The following ZBBX variants were observed in gnomAD, a reference collection of about 807,000 sequenced individuals.
The protein encoded by ZBBX is zinc finger B-box domain-containing protein 1.
ZBBX carries 101 observed loss-of-function variants against 108.5 expected under a neutral mutation model. The ratio of observed to expected loss-of-function variants is 0.93; its 90% confidence interval spans 0.79 to 1.10. The LOEUF (loss-of-function observed/expected upper bound fraction) is 1.10, where lower values mean the gene tolerates loss of function less well. ZBBX is among the 50% of genes least tolerant of loss of function. ZBBX has a pLI of 0.00. For synonymous variants in ZBBX, 356 were observed against 323.4 expected (o/e 1.10, Z -1.08); for missense variants, 1,009 against 941.4 (o/e 1.07, Z -0.94).
chr3:167,334,227 A>G (rs1288935002), intron 9 of ZBBX, among the ~76,000 whole-genome samples: 1 of 152,174 alleles, frequency 6.6e-6, no homozygotes, highest in African/African-American at 2.4e-5. Context: ...TCACTTAATC[A>G]TCAAGGCAAT....
chr3:167,290,103 G>A lies in ZBBX; in HGVS notation c.1880-1120C>T, dbSNP rs189689262. ...TTATAGATAAAACCTCTACCTCCCC[G>A]GGACAGAGCACCTAGGGGAAGGGGC... is the stretch of plus-strand genomic sequence containing the variant. On this transcript the variant is annotated intron_variant, in intron 18 of 21. Transcript: ENST00000675490. Among the ~76,000 whole-genome samples, 18 of 152,272 alleles carry A rather than the reference G, an allele frequency of 1.2e-4. No individual in the cohort carries two copies. The East Asian group carries it at 2.7e-3, about 23-fold the overall frequency.
intron 20 of ZBBX, among the ~76,000 whole-genome samples, chr3:167,272,928 C>T (rs919396732): frequency 6.6e-6 from 1 of 152,186 alleles, no homozygotes; most frequent in African/African-American, 2.4e-5. Flanking sequence ...GCACCTCCCC[C>T]AGTTGCCAGT....
In ZBBX at chr3:167,305,933, C is replaced by T. The variant is rs1733561272; in HGVS notation, c.1435G>A (p.Asp479Asn). 2.6e-6 allele frequency: 4 copies of T among 1,552,902 alleles called. No homozygotes were observed. The highest frequency in any genetic ancestry group is 3.5e-6 in the Non-Finnish European group (4 of 1,152,706). ...TCAGGATCCACGATGTTGTCAAAAT[C>T]TGTGTTTGAAGTTTCTGCTGTTAAA... ...DNSKAETSNT[D>N]FDNIVDPDVY... is the part of the protein sequence containing the mutation. Residue 479 changes from aspartate (D) to asparagine (N), a missense_variant, in exon 17 of 22, where the codon GAT becomes AAT. Physicochemically the swap from Asp to Asn is conservative, Grantham distance 23 (BLOSUM62 1). Transcript: ENST00000675490.
At chr3:167,184,291 A>C in the ZBBX span, among the ~76,000 whole-genome samples, 1 of 152,156 alleles carries the variant, frequency 6.6e-6, no homozygotes, top group African/African-American at 2.4e-5. Context: ...CCTTTGGTGC[A>C]TGCCTGTTGC....
Position 167,317,619 on chromosome 3 carries a change from A to G in ZBBX, c.984-22T>C, listed in dbSNP as rs770535658. The G allele has an allele frequency of 2.6e-6, 4 of 1,530,030 alleles. No homozygotes were observed. The African/African-American group carries it at 4.1e-5, about 16-fold the overall frequency. 94.8% of individuals were successfully genotyped at this position (1,530,030 alleles called of 1,614,324 possible). A position where few individuals can be genotyped will look rare whatever the true frequency, so the allele number is the denominator to read the frequency against. ...AGTTCTACAAAATAAGAAAGAAGCA[A>G]TTAAGAGACTGAAATATATTACCTG... On this transcript the variant is annotated intron_variant, in intron 12 of 21. Coordinates refer to ENST00000675490, the MANE Select transcript of ZBBX (RefSeq NM_001199201.2).
chr3:167,402,589 C>T (rs147828687), intron 1 of ZBBX, among the ~76,000 whole-genome samples: 129 of 152,040 alleles, frequency 8.5e-4, no homozygotes, highest in East Asian at 7.9e-3. Flanking sequence ...ATAGGACTCA[C>T]GCGCAAGGGA....
intron 9 of ZBBX, among the ~76,000 whole-genome samples, chr3:167,339,996 C>T (rs1226479855): frequency 6.6e-6 from 1 of 152,092 alleles, no homozygotes; most frequent in East Asian, 1.9e-4. Flanking sequence ...CGTGTTGTGG[C>T]AGCAACACAT....
At chr3:167,386,945 C>A (rs915842137) in intron 1 of ZBBX, among the ~76,000 whole-genome samples, 4 of 151,970 alleles carry the variant, frequency 2.6e-5, no homozygotes, top group African/African-American at 9.7e-5. Flanking sequence ...CAGTTCCAAT[C>A]CCCAAGGGCA....
chr3:167,269,467 C>T (rs1726155949), intron 20 of ZBBX, among the ~76,000 whole-genome samples: 1 of 152,098 alleles, frequency 6.6e-6, no homozygotes, highest in African/African-American at 2.4e-5. Flanking sequence ...GATTCCTTGC[C>T]TCATTAAATT....
At chr3:167,202,052 G>A in the ZBBX span, among the ~76,000 whole-genome samples, 3 of 152,212 alleles carry the variant, frequency 2.0e-5, no homozygotes, top group Admixed American at 2.0e-4. Context: ...TGGTCCCTAT[G>A]AGTTGTGGAT....
intron 7 of ZBBX, among the ~76,000 whole-genome samples, 167 bp downstream of exon 7, chr3:167,360,508 C>A (rs1332006564): frequency 6.6e-6 from 1 of 151,790 alleles, no homozygotes; most frequent in African/African-American, 2.4e-5. Context: ...CAAAAGCCCC[C>A]CTAACCACCC....
chr3:167,372,670 A>G (rs1746333625), intron 4 of ZBBX, among the ~76,000 whole-genome samples, 164 bp downstream of exon 4: 1 of 152,186 alleles, frequency 6.6e-6, no homozygotes, highest in Admixed American at 6.5e-5. Flanking sequence ...TTTAATCCTC[A>G]TTTTTAAACT....
At chr3:167,247,134 C>T (rs1309577738) in intron 20 of ZBBX, among the ~76,000 whole-genome samples, 2 of 152,166 alleles carry the variant, frequency 1.3e-5, no homozygotes, top group Non-Finnish European at 2.9e-5. Context: ...CCCACCACAT[C>T]CCCATCCTGG....
chr3:167,269,962 C>G (rs78262058), intron 20 of ZBBX, among the ~76,000 whole-genome samples: 7,670 of 152,178 alleles, frequency 0.05, 524 homozygotes, highest in African/African-American at 0.15. Flanking sequence ...TATCAGCAGA[C>G]AGTTTTGCCC....
intron 9 of ZBBX, among the ~76,000 whole-genome samples, chr3:167,342,944 T>A (rs1374974344): frequency 1.3e-5 from 2 of 151,864 alleles, no homozygotes; most frequent in African/African-American, 4.8e-5. Context: ...AGTTTTTATC[T>A]ACCAATTATA....
chr3:167,375,618 A>G (rs1325188745), intron 2 of ZBBX, among the ~76,000 whole-genome samples: 4 of 151,988 alleles, frequency 2.6e-5, no homozygotes, highest in Non-Finnish European at 5.9e-5. Context: ...AGAATCCATT[A>G]TACACCAACA....
In ZBBX at chr3:167,359,962, CTG is replaced by C. The variant is rs1744243437; in HGVS notation, c.338_339del (p.Thr113SerfsTer2). 1.3e-6 allele frequency: 2 copies of C among 1,589,412 alleles called. No individual in the cohort carries two copies. Among genetic ancestry groups the C allele is most frequent in the Admixed American group, 1.7e-5 (1 of 57,948 alleles). ...GAAGAATTTGCCATTTTATAATTAA[CTG>C]TTGGTTTCACTGGCTCTGCAAGATA... ...KEQIQEPVKP[T>X]VNYKMANSSE... On this transcript the variant is annotated frameshift_variant, in exon 8 of 22. Transcript: ENST00000675490. LOFTEE classifies it high-confidence loss of function.
chr3:167,307,488 A>G (rs1415855142), intron 16 of ZBBX, among the ~76,000 whole-genome samples: 2 of 152,098 alleles, frequency 1.3e-5, no homozygotes, highest in Non-Finnish European at 2.9e-5. Flanking sequence ...TCAAGCTGAG[A>G]GCCAAAAGAG....
chr3:167,215,353 C>T, the ZBBX span, among the ~76,000 whole-genome samples: 5 of 152,228 alleles, frequency 3.3e-5, no homozygotes, highest in Admixed American at 3.3e-4. Context: ...ATGAACACCT[C>T]TATGTACACA....
Sources: gnomAD v4.1 joint callset for allele counts (sites outside exome capture counted in the v4.1 genomes callset) on GRCh38, gnomAD v4.1.1 for gene constraint, MANE v1.5 for transcripts, NCBI Gene and HGNC (gene_info 2026-07-23, HGNC 2026-07-21) for gene names.